Variants in DNAJB12 observed in about 807,000 individuals in gnomAD.
DNAJB12 encodes the protein dnaJ homolog subfamily B member 12.
Under a neutral mutation model 40.6 loss-of-function variants are expected in DNAJB12, and 14 were observed. The ratio of observed to expected loss-of-function variants is 0.34; its 90% CI spans 0.23 to 0.54. The LOEUF (loss-of-function observed/expected upper bound fraction) is 0.54. DNAJB12 is among the 20% of genes least tolerant of loss of function. The pLI is 0.92. For missense variants in DNAJB12, 444 were observed against 501.7 expected (o/e 0.89, Z 1.10); for synonymous variants, 181 against 199.5 (o/e 0.91, Z 0.78).
At chr10:72,342,057 T>A (rs1861653695) in intron 3 of DNAJB12, among the ~76,000 whole-genome samples, 2 of 152,286 alleles carry the variant, frequency 1.3e-5, no homozygotes, top group Admixed American at 1.3e-4. Context: ...AGACACACAA[T>A]ATCCTTATTG....
At position 72,334,276 on chromosome 10, in the gene DNAJB12, G is replaced by C. The variant is rs746523776; in HGVS notation, c.*372C>G. The stretch of plus-strand genomic sequence containing the variant: ...TGAGAGGTGGCTGGTGGTGGCTCCT[G>C]TGAGGGAGGAAAGGCAGCTGGGTGC... On this transcript the variant is annotated 3_prime_UTR_variant, in exon 9 of 9. Coordinates refer to ENST00000444643, the MANE Select transcript of DNAJB12 (RefSeq NM_017626.7). 7.0e-6 allele frequency: 3 copies of C among 428,912 alleles called. No homozygotes were observed. 26.6% of individuals were successfully genotyped at this position (428,912 alleles called of 1,614,324 possible). A position where few individuals can be genotyped will look rare whatever the true frequency, so the allele number is the denominator to read the frequency against.
At chr10:72,341,768 G>A (rs1861646432) in intron 3 of DNAJB12, among the ~76,000 whole-genome samples, 2 of 152,120 alleles carry the variant, frequency 1.3e-5, no homozygotes, top group Admixed American at 6.5e-5. Flanking sequence ...CACCACACCA[G>A]GTCAACTCAT....
At chr10:72,351,444 C>A (rs1861931988) in intron 1 of DNAJB12, among the ~76,000 whole-genome samples, 1 of 152,242 alleles carries the variant, frequency 6.6e-6, no homozygotes, top group Non-Finnish European at 1.5e-5. Flanking sequence ...TGACTCTCCC[C>A]TCTCTGCCCT....
chr10:72,348,586 C>T (rs1010050730), intron 1 of DNAJB12, among the ~76,000 whole-genome samples: 1 of 152,264 alleles, frequency 6.6e-6, no homozygotes, highest in African/African-American at 2.4e-5. Flanking sequence ...GAGCCAGTCT[C>T]ACTGGGAACA....
Position 72,343,461 on chromosome 10 carries a change from G to T in DNAJB12, c.362C>A (p.Ala121Asp). The T allele has an allele frequency of 6.2e-7, 1 of 1,614,170 alleles. No homozygotes were observed. The highest frequency in any genetic ancestry group is 1.1e-5 in the South Asian group (1 of 91,090). The stretch of plus-strand genomic sequence containing the variant: ...GGCCTTCTTCAGGTCCTCATCCGAG[G>T]CCCCTCTGCTCACCCCCAGGATCTC... ...YYEILGVSRG[A>D]SDEDLKKAYR... Residue 121 changes from alanine to aspartate, a missense_variant, in exon 3 of 9, where the codon GCC becomes GAC. Ala to Asp is a moderately radical substitution (Grantham distance 126). Transcript: ENST00000444643.
intron 2 of DNAJB12, among the ~76,000 whole-genome samples, chr10:72,344,678 C>G (rs974542529): frequency 6.6e-6 from 1 of 152,236 alleles, no homozygotes; most frequent in African/African-American, 2.4e-5. Flanking sequence ...TGGCCAGCGG[C>G]AGAGGAAGCC....
intron 6 of DNAJB12, 144 bp from the exon 7 acceptor site, chr10:72,336,840 C>A (rs972121617): frequency 3.2e-6 from 2 of 623,364 alleles, no homozygotes; most frequent in African/African-American, 3.7e-5. Flanking sequence ...CCCGCACACT[C>A]CCTGAAAGGA....
At position 72,345,086 on chromosome 10, in the gene DNAJB12, C is replaced by T. The variant is rs1861748957; in HGVS notation, c.175G>A (p.Asp59Asn). ...GTTGTGTCTGTGGGTGGGGGTTGGT[C>T]ACCGGCAGTCTGTGGTTTCTGGTTG... is the stretch of plus-strand genomic sequence containing the variant. ...SLNQKPQTAG[D>N]QPPPTDTTHA... Residue 59 changes from aspartate (D) to asparagine (N), a missense_variant, in exon 2 of 9, where the codon GAC becomes AAC. Physicochemically the swap from Asp to Asn is conservative, Grantham distance 23. Coordinates refer to ENST00000444643, the MANE Select transcript of DNAJB12 (RefSeq NM_017626.7). 1 of 1,613,784 alleles carries T rather than the reference C, an allele frequency of 6.2e-7. No homozygotes were observed. Among genetic ancestry groups the T allele is most frequent in the African/African-American group, 1.3e-5 (1 of 74,924 alleles).
intron 3 of DNAJB12, among the ~76,000 whole-genome samples, chr10:72,341,652 TG>T (rs1472078125): frequency 6.6e-6 from 1 of 152,082 alleles, no homozygotes; most frequent in Non-Finnish European, 1.5e-5. Flanking sequence ...TTGTATTTTT[TG>T]TAGAGATGAG....
chr10:72,353,821 A>ATGAG (rs1176585373), intron 1 of DNAJB12: 1 of 152,196 alleles, frequency 6.6e-6, no homozygotes, highest in African/African-American at 2.4e-5. Context: ...AGCCGTCAGG[A>ATGAG]TGAGACTGGG....
At chr10:72,337,517 C>G (rs1861510885) in intron 6 of DNAJB12, among the ~76,000 whole-genome samples, 1 of 152,240 alleles carries the variant, frequency 6.6e-6, no homozygotes, top group African/African-American at 2.4e-5. Context: ...TCACTCCTGG[C>G]AGTCGAGACT....
At position 72,345,185 on chromosome 10, in the gene DNAJB12, C is replaced by T. The variant is rs556520537; in HGVS notation, c.134-58G>A. On this transcript the variant is annotated intron_variant, in intron 1 of 8. Transcript: ENST00000444643. Reference sequence around the variant, plus strand: ...TGCTCAAGCAGGCTGCGTGCCTCGCCGAGCGGCCCGCTGCTTCCCACTCAC... The same window carrying T: ...TGCTCAAGCAGGCTGCGTGCCTCGCTGAGCGGCCCGCTGCTTCCCACTCAC... 66 of 1,545,808 alleles carry T rather than the reference C, an allele frequency of 4.3e-5. 1 individual carries two copies. The Admixed American group carries it at 6.9e-4, about 16-fold the overall frequency.
At chr10:72,351,960 T>G (rs1253396901) in intron 1 of DNAJB12, among the ~76,000 whole-genome samples, 1 of 152,248 alleles carries the variant, frequency 6.6e-6, no homozygotes, top group Non-Finnish European at 1.5e-5. Flanking sequence ...GCATCCCATC[T>G]GATTCTCCTC....
intron 1 of DNAJB12, among the ~76,000 whole-genome samples, chr10:72,347,488 T>C (rs1265279629): frequency 6.6e-6 from 1 of 152,232 alleles, no homozygotes; most frequent in Non-Finnish European, 1.5e-5. Flanking sequence ...CCAAAAGAAG[T>C]ATCTGCTGTG....
Position 72,345,078 on chromosome 10 carries a change from G to A in DNAJB12, c.183C>T (p.Pro61=). The A allele has an allele frequency of 6.2e-7, 1 of 1,614,128 alleles. No individual in the cohort carries two copies. Residue 61 remains proline (P), a synonymous_variant, in exon 2 of 9, where the codon CCC becomes CCT. Transcript: ENST00000444643. ...TGGCATGGGTTGTGTCTGTGGGTGG[G>A]GGTTGGTCACCGGCAGTCTGTGGTT... The part of the protein sequence containing the change: ...NQKPQTAGDQ[P]PPTDTTHATH...
intron 1 of DNAJB12, among the ~76,000 whole-genome samples, chr10:72,345,903 A>C (rs1861774605): frequency 6.6e-6 from 1 of 151,618 alleles, no homozygotes. Context: ...CAAAAAAAAA[A>C]AAAAAAAAAA....
In DNAJB12 at chr10:72,341,136, C is replaced by T. The variant is rs754830639; in HGVS notation, c.492G>A (p.Pro164=). 2.0e-5 allele frequency: 33 copies of T among 1,613,716 alleles called. No individual in the cohort carries two copies. Among genetic ancestry groups the T allele is most frequent in the Middle Eastern group, 1.7e-4 (1 of 6,044 alleles). Residue 164 remains proline, a synonymous_variant, in exon 4 of 9, where the codon CCG becomes CCA. Transcript: ENST00000444643. ...IGTAYAVLSN[P]EKRKQYDQFG... Reference sequence around the variant, plus strand: ...ACTGGTCATACTGCTTCCTCTTCTCCGGGTTGCTGAGTACCGCATATGCTG... The same window carrying T: ...ACTGGTCATACTGCTTCCTCTTCTCTGGGTTGCTGAGTACCGCATATGCTG...
At chr10:72,345,196 C>T in intron 1 of DNAJB12, 69 bp from the exon 2 acceptor site, 1 of 1,536,442 alleles carries the variant, frequency 6.5e-7, no homozygotes, top group Non-Finnish European at 8.8e-7. Flanking sequence ...GAGCGGCCCG[C>T]TGCTTCCCAC....
chr10:72,354,572 T>G (rs866196169), intron 1 of DNAJB12, among the ~76,000 whole-genome samples, 193 bp downstream of exon 1: 1 of 152,204 alleles, frequency 6.6e-6, no homozygotes, highest in Middle Eastern at 3.4e-3. Flanking sequence ...CGCCCGAGTC[T>G]CCAGACGGCT....
Sources: allele counts gnomAD v4.1 joint callset (sites outside exome capture counted in the v4.1 genomes callset), GRCh38; gene constraint gnomAD v4.1.1; transcripts MANE v1.5; gene names NCBI Gene and HGNC (gene_info 2026-07-23, HGNC 2026-07-21).